PID1: variants seen among roughly 807,000 people sequenced by gnomAD.
PID1 encodes phosphotyrosine interaction domain containing 1.
In PID1, 10 loss-of-function variants were observed where a neutral mutation model predicts 19.1. The ratio of observed to expected loss-of-function variants is 0.52; its 90% CI spans 0.32 to 0.89. The LOEUF (loss-of-function observed/expected upper bound fraction) is 0.89, where lower values mean the gene tolerates loss of function less well. Ranked by LOEUF, PID1 falls within the 40% of genes least tolerant of loss-of-function variation. PID1 has a pLI of 0.03. For synonymous variants in PID1, 130 were observed against 116.0 expected (o/e 1.12, Z -0.78); for missense variants, 248 against 285.3 (o/e 0.87, Z 0.94).
intron 2 of PID1, among the ~76,000 whole-genome samples, chr2:229,148,518 C>T (rs534759067): frequency 1.2e-4 from 19 of 152,176 alleles, no homozygotes; most frequent in East Asian, 9.7e-4. Flanking sequence ...CTGCTGGGGA[C>T]GAGGAGATTC....
intron 2 of PID1, among the ~76,000 whole-genome samples, chr2:229,034,718 A>T (rs1693625316): frequency 6.6e-6 from 1 of 152,124 alleles, no homozygotes; most frequent in Non-Finnish European, 1.5e-5. Context: ...CAAAAGGGCC[A>T]AGGAAAGTTG....
At chr2:229,196,889 C>T (rs1237677849) in intron 1 of PID1, among the ~76,000 whole-genome samples, 1 of 151,982 alleles carries the variant, frequency 6.6e-6, no homozygotes, top group Non-Finnish European at 1.5e-5. Flanking sequence ...TAAAGGCTTA[C>T]TATTAGAACA....
chr2:229,083,310 T>C (rs12614624), intron 2 of PID1, among the ~76,000 whole-genome samples: 30,347 of 152,166 alleles, frequency 0.2, 3,939 homozygotes, highest in East Asian at 0.54. Flanking sequence ...CCAGCACACC[T>C]AGGCCAAGAG....
At chr2:229,045,860 C>T (rs1343488361) in intron 2 of PID1, among the ~76,000 whole-genome samples, 2 of 152,194 alleles carry the variant, frequency 1.3e-5, no homozygotes, top group South Asian at 2.1e-4. Context: ...TGTGTCTTGT[C>T]AAGAGCAGAG....
At chr2:229,069,788 C>G (rs1694415431) in intron 2 of PID1, among the ~76,000 whole-genome samples, 1 of 152,170 alleles carries the variant, frequency 6.6e-6, no homozygotes, top group Non-Finnish European at 1.5e-5. Context: ...GTGCTAAGCA[C>G]TAAGATATTA....
Position 229,097,038 on chromosome 2 carries a change from T to C in PID1, c.177+58780A>G, listed in dbSNP as rs562169842. On this transcript the variant is annotated intron_variant, in intron 2 of 2. Coordinates refer to ENST00000392055, the MANE Select transcript of PID1 (RefSeq NM_001100818.2). ...GTTTGATTAAAGAATAAGACATTTC[T>C]ACAAAAACAGCGATGTTTGAAGTCC... Among the ~76,000 whole-genome samples the C allele has an allele frequency of 5.9e-5, 9 of 152,292 alleles. No individual in the cohort carries two copies. The South Asian group carries it at 1.0e-3, about 18-fold the overall frequency.
At chr2:229,269,274 A>G (rs775068249) in intron 1 of PID1, among the ~76,000 whole-genome samples, 4 of 152,242 alleles carry the variant, frequency 2.6e-5, no homozygotes, top group Non-Finnish European at 4.4e-5. Flanking sequence ...GCAATAAACC[A>G]GGCTCACGCC....
intron 2 of PID1, among the ~76,000 whole-genome samples, chr2:229,134,790 T>C (rs1297001431): frequency 2.0e-5 from 3 of 152,164 alleles, no homozygotes; most frequent in Non-Finnish European, 1.5e-5. Flanking sequence ...AATGACTATA[T>C]AGTATTCTTT....
intron 2 of PID1, among the ~76,000 whole-genome samples, chr2:229,145,642 C>T (rs889571482): frequency 6.6e-6 from 1 of 152,050 alleles, no homozygotes; most frequent in Non-Finnish European, 1.5e-5. Context: ...TTTCCCACAT[C>T]GTTTTCAAAC....
Position 229,143,961 on chromosome 2 carries a change from CA to C in PID1, c.177+11856del, listed in dbSNP as rs543835677. On this transcript the variant is annotated intron_variant, in intron 2 of 2. Transcript: ENST00000392055. Reference sequence around the variant, plus strand: ...ATAGCAGTGTGAAAATGGACTAATACAGGGGGGAAAGTCACATACAAAAGAA... The same window carrying C: ...ATAGCAGTGTGAAAATGGACTAATACGGGGGGAAAGTCACATACAAAAGAA... 5.2e-4 allele frequency among the ~76,000 whole-genome samples: 79 copies of C among 152,074 alleles called. 1 individual carries two copies. The highest frequency in any genetic ancestry group is 3.4e-3 in the Admixed American group (52 of 15,264).
At chr2:229,166,532 G>A (rs1219158707) in intron 1 of PID1, among the ~76,000 whole-genome samples, 1 of 152,098 alleles carries the variant, frequency 6.6e-6, no homozygotes, top group Non-Finnish European at 1.5e-5. Flanking sequence ...CAATGCTAGA[G>A]GGAAAATTTG....
rs1283828201 is a variant in PID1, at chr2:229,139,105, A to AAG, written c.177+16711_177+16712dup. Among the ~76,000 whole-genome samples the AAG allele has an allele frequency of 6.3e-3, 430 of 68,002 alleles. 32 individuals are homozygous for AAG. Among genetic ancestry groups the AAG allele is most frequent in the African/African-American group, 0.018 (253 of 14,190 alleles). The allele number at this position is 68,002 out of a possible 152,430, so 44.6% of individuals were successfully genotyped here. On this transcript the variant is annotated intron_variant, in intron 2 of 2. Transcript: ENST00000392055. ...AAAGAAAGAAAGAAAGAAAGAAAGA[A>AAG]AGAAAGAAAGAGAAAGAAAGAAAGA...
intron 1 of PID1, among the ~76,000 whole-genome samples, chr2:229,231,140 A>G (rs1692197342): frequency 6.6e-6 from 1 of 152,140 alleles, no homozygotes; most frequent in African/African-American, 2.4e-5. Context: ...TCTGTGCTTC[A>G]GCCCGCCTCT....
In PID1 at chr2:229,024,741, T is replaced by C. The variant is rs1693373392; in HGVS notation, c.*891A>G. The stretch of plus-strand genomic sequence containing the variant: ...CAGCTGGATAAAAGGAGAGTTGACA[T>C]AGAGTGTGTTCACTTGCTGATCACT... On this transcript the variant is annotated 3_prime_UTR_variant, in exon 3 of 3. Coordinates refer to ENST00000392055, the MANE Select transcript of PID1 (RefSeq NM_001100818.2). The C allele has an allele frequency of 6.6e-6, 1 of 152,648 alleles. No homozygotes were observed. Among genetic ancestry groups the C allele is most frequent in the Admixed American group, 6.5e-5 (1 of 15,290 alleles). 9.5% of individuals were successfully genotyped at this position (152,648 alleles called of 1,614,324 possible). A position where few individuals can be genotyped will look rare whatever the true frequency, so the allele number is the denominator to read the frequency against.
intron 2 of PID1, among the ~76,000 whole-genome samples, chr2:229,106,107 G>C (rs993613226): frequency 7.0e-6 from 1 of 142,232 alleles, no homozygotes; most frequent in Non-Finnish European, 1.5e-5. Flanking sequence ...GAAGAAGAAA[G>C]AAAGAAATAA....
chr2:229,052,902 T>A (rs2106185349), intron 2 of PID1, among the ~76,000 whole-genome samples: 1 of 152,358 alleles, frequency 6.6e-6, no homozygotes, highest in South Asian at 2.1e-4. Context: ...AAGAATTTTT[T>A]AAATAAAAAG....
chr2:229,177,396 G>T (rs954123946), intron 1 of PID1, among the ~76,000 whole-genome samples: 1 of 152,154 alleles, frequency 6.6e-6, no homozygotes, highest in African/African-American at 2.4e-5. Flanking sequence ...TCAGGCAAGA[G>T]CTTCAAAGTT....
chr2:229,082,550 G>T (rs1036149227), intron 2 of PID1, among the ~76,000 whole-genome samples: 1 of 152,190 alleles, frequency 6.6e-6, no homozygotes, highest in East Asian at 1.9e-4. Flanking sequence ...AACAAAGGGG[G>T]AAGCCAGAGA....
intron 1 of PID1, among the ~76,000 whole-genome samples, chr2:229,161,997 AC>A (rs1457141113): frequency 6.6e-6 from 1 of 152,260 alleles, no homozygotes; most frequent in Non-Finnish European, 1.5e-5. Flanking sequence ...TAAAAAGGCA[AC>A]AAAAGAAGAA....
Sources: allele counts gnomAD v4.1 joint callset (sites outside exome capture counted in the v4.1 genomes callset), GRCh38; gene constraint gnomAD v4.1.1; transcripts MANE v1.5; gene names NCBI Gene and HGNC (gene_info 2026-07-23, HGNC 2026-07-21).